Variants in SLC37A3 observed in about 807,000 individuals in gnomAD.
The protein encoded by SLC37A3 is solute carrier family 37 member 3, also known as sugar phosphate exchanger 3.
In SLC37A3, 51 loss-of-function variants were observed where a neutral mutation model predicts 67.1. The observed-to-expected ratio is 0.76, with a 90% CI of 0.61 to 0.96. The LOEUF (loss-of-function observed/expected upper bound fraction) is 0.96. Ranked by LOEUF, SLC37A3 falls within the 40% of genes least tolerant of loss-of-function variation. The probability of loss-of-function intolerance (pLI) is 0.00; values close to 1 mark genes in which losing one functional copy is unlikely to be tolerated. For missense variants in SLC37A3, 508 were observed against 603.0 expected (o/e 0.84, Z 1.65); for synonymous variants, 214 against 231.4 (o/e 0.92, Z 0.68).
Position 140,378,466 on chromosome 7 carries a change from G to A in SLC37A3, c.198+1816C>T, listed in dbSNP as rs187780577. Reference sequence around the variant, plus strand: ...AGATTTATGATTCTGGGCCGGGAGCGGTGGCTCACACCTGTAATCCCAGCA... The same window carrying A: ...AGATTTATGATTCTGGGCCGGGAGCAGTGGCTCACACCTGTAATCCCAGCA... On this transcript the variant is annotated intron_variant, in intron 3 of 14. Coordinates refer to ENST00000326232, the MANE Select transcript of SLC37A3 (RefSeq NM_207113.3). 1.8e-4 allele frequency among the ~76,000 whole-genome samples: 27 copies of A among 152,130 alleles called. 1 individual carries two copies. In the East Asian group the frequency reaches 3.5e-3, roughly 20 times the overall value.
At chr7:140,355,647 G>A (rs1796993777) in intron 7 of SLC37A3, 21 bp downstream of exon 7, 1 of 1,598,266 alleles carries the variant, frequency 6.3e-7, no homozygotes, top group Non-Finnish European at 8.6e-7. Flanking sequence ...GAGAGCACCA[G>A]AGCTAGAAAA....
chr7:140,364,356 T>TA (rs1797512030), intron 5 of SLC37A3, 52 bp downstream of exon 5: 1 of 1,509,448 alleles, frequency 6.6e-7, no homozygotes, highest in African/African-American at 1.4e-5. Flanking sequence ...GGAGATTACT[T>TA]AGATTCTAAA....
intron 1 of SLC37A3, among the ~76,000 whole-genome samples, chr7:140,384,896 T>C (rs1345707062): frequency 6.6e-6 from 1 of 152,204 alleles, no homozygotes; most frequent in Non-Finnish European, 1.5e-5. Context: ...TCACTGGAAC[T>C]GTTACACTAC....
chr7:140,349,101 A>G (rs1170737215), intron 9 of SLC37A3, among the ~76,000 whole-genome samples: 1 of 152,226 alleles, frequency 6.6e-6, no homozygotes, highest in Admixed American at 6.5e-5. Flanking sequence ...GCACATACCC[A>G]TATTTCTTTA....
chr7:140,362,676 G>C lies in SLC37A3; in HGVS notation c.375+1732C>G, dbSNP rs1247117942. Among the ~76,000 whole-genome samples, 5 of 53,806 alleles carry C rather than the reference G, an allele frequency of 9.3e-5. 2 individuals are homozygous for C. The highest frequency in any genetic ancestry group is 2.1e-4 in the Non-Finnish European group (5 of 23,284). The allele number at this position is 53,806 out of a possible 152,430, so 35.3% of individuals were successfully genotyped here. A position where few individuals can be genotyped will look rare whatever the true frequency, so the allele number is the denominator to read the frequency against. ...GCCGCCCCGTCCGGGAGGGAGGTGG[G>C]GGGGGGGGTCAGCCCCCTGCCCGGC... is the stretch of plus-strand genomic sequence containing the variant. On this transcript the variant is annotated intron_variant, in intron 5 of 14. Coordinates refer to ENST00000326232, the MANE Select transcript of SLC37A3 (RefSeq NM_207113.3).
intron 10 of SLC37A3, among the ~76,000 whole-genome samples, chr7:140,347,026 C>T (rs1026639294): frequency 2.6e-5 from 4 of 151,902 alleles, no homozygotes; most frequent in Non-Finnish European, 5.9e-5. Context: ...TCTGGGAGGC[C>T]GAGGTGGGCA....
intron 9 of SLC37A3, 123 bp from the exon 10 acceptor site, chr7:140,348,890 G>A (rs60025250): frequency 0.2 from 232,670 of 1,172,196 alleles, 25,800 homozygotes; most frequent in East Asian, 0.42. Flanking sequence ...TGATTTTACA[G>A]TTAAACATCT....
chr7:140,343,304 C>T (rs118007150), intron 13 of SLC37A3, 108 bp downstream of exon 13: 22,457 of 1,483,834 alleles, frequency 0.015, 220 homozygotes, highest in South Asian at 0.027. Flanking sequence ...CTGGGAACAG[C>T]GTTCTACAGC....
At chr7:140,367,072 A>G (rs1200607635) in intron 4 of SLC37A3, among the ~76,000 whole-genome samples, 1 of 152,090 alleles carries the variant, frequency 6.6e-6, no homozygotes, top group East Asian at 1.9e-4. Flanking sequence ...CAGGGGGCAG[A>G]GGTTGCAGTG....
intron 3 of SLC37A3, among the ~76,000 whole-genome samples, chr7:140,374,841 GAGCAA>G (rs912232619): frequency 6.6e-6 from 1 of 151,824 alleles, no homozygotes; most frequent in African/African-American, 2.4e-5. Context: ...CTGAGCAACA[GAGCAA>G]GACCCTGTCT....
chr7:140,343,071 C>T (rs182651472), intron 13 of SLC37A3, among the ~76,000 whole-genome samples: 1 of 152,136 alleles, frequency 6.6e-6, no homozygotes, highest in East Asian at 1.9e-4. Context: ...GTGGGGATAA[C>T]AAGAAGCACC....
At chr7:140,373,814 T>C (rs1797916636) in intron 3 of SLC37A3, among the ~76,000 whole-genome samples, 1 of 152,002 alleles carries the variant, frequency 6.6e-6, no homozygotes, top group Non-Finnish European at 1.5e-5. Context: ...CTAAAGGATC[T>C]CTGAATAAAC....
At chr7:140,352,228 A>AGGGGGGGGGG in intron 7 of SLC37A3, 82 bp from the exon 8 acceptor site, 1 of 61,622 alleles carries the variant, frequency 1.6e-5, no homozygotes, top group Non-Finnish European at 3.7e-5. Flanking sequence ...GTGTGGGGGA[A>AGGGGGGGGGG]GGTGGGGGTG....
chr7:140,364,308 G>T, intron 5 of SLC37A3, 100 bp downstream of exon 5: 1 of 1,089,042 alleles, frequency 9.2e-7, no homozygotes. Flanking sequence ...TTCGAACAAT[G>T]AGGATTAATC....
At chr7:140,387,051 A>G (rs1798481878) in intron 1 of SLC37A3, 1 of 152,222 alleles carries the variant, frequency 6.6e-6, no homozygotes, top group Admixed American at 6.5e-5. Context: ...CACATTGTGG[A>G]ATGACTCAAT....
chr7:140,390,732 C>G (rs1270025662), intron 1 of SLC37A3, among the ~76,000 whole-genome samples: 1 of 152,122 alleles, frequency 6.6e-6, no homozygotes, highest in Non-Finnish European at 1.5e-5. Flanking sequence ...CAATAAAAAC[C>G]CACACAAGGC....
At chr7:140,364,379 A>G in intron 5 of SLC37A3, 29 bp downstream of exon 5, 2 of 1,563,062 alleles carry the variant, frequency 1.3e-6, no homozygotes, top group Non-Finnish European at 1.7e-6. Context: ...ACCTGACCAA[A>G]ATAATAATAA....
chr7:140,339,426 A>C (rs964757831), intron 13 of SLC37A3, among the ~76,000 whole-genome samples: 1 of 151,312 alleles, frequency 6.6e-6, no homozygotes, highest in Non-Finnish European at 1.5e-5. Flanking sequence ...ACATCCAGCT[A>C]ATTTTCGTAT....
At chr7:140,359,794 C>A (rs961252748) in intron 5 of SLC37A3, among the ~76,000 whole-genome samples, 1 of 151,958 alleles carries the variant, frequency 6.6e-6, no homozygotes, top group Non-Finnish European at 1.5e-5. Context: ...CAGGGGTTGC[C>A]AGGGGCTGGA....
Sources: allele counts gnomAD v4.1 joint callset (sites outside exome capture counted in the v4.1 genomes callset), GRCh38; gene constraint gnomAD v4.1.1; transcripts MANE v1.5; gene names NCBI Gene and HGNC (gene_info 2026-07-23, HGNC 2026-07-21).